Variants in EIF2B3 observed in about 807,000 individuals in gnomAD.
EIF2B3 encodes the protein translation initiation factor eIF2B subunit gamma.
A neutral mutation model predicts 54.1 loss-of-function variants in EIF2B3; 20 were observed. The ratio of observed to expected loss-of-function variants is 0.37; its 90% CI spans 0.26 to 0.54. EIF2B3 has a LOEUF of 0.54. Ranked by LOEUF, EIF2B3 falls within the 20% of genes least tolerant of loss-of-function variation. EIF2B3 has a pLI of 0.86. For synonymous variants in EIF2B3, 153 were observed against 188.1 expected, an observed-to-expected ratio of 0.81 and a Z score of 1.52; for missense variants, 448 against 547.8, an observed-to-expected ratio of 0.82 and a Z score of 1.82.
At chr1:44,955,840 T>C (rs1438330929) in intron 3 of EIF2B3, among the ~76,000 whole-genome samples, 2 of 152,138 alleles carry the variant, frequency 1.3e-5, no homozygotes, top group Non-Finnish European at 2.9e-5. Context: ...AGAATGGCGA[T>C]CATTAAAAAG....
chr1:44,953,244 A>G (rs1310163933), intron 3 of EIF2B3, among the ~76,000 whole-genome samples: 1 of 151,362 alleles, frequency 6.6e-6, no homozygotes, highest in Admixed American at 6.6e-5. Context: ...ATAGGTATGA[A>G]ATTTTTCATT....
chr1:44,955,953 G>C (rs918087860), intron 3 of EIF2B3, among the ~76,000 whole-genome samples: 1 of 152,170 alleles, frequency 6.6e-6, no homozygotes, highest in South Asian at 2.1e-4. Context: ...AGACAGTGTG[G>C]TGATTCCTCA....
intron 10 of EIF2B3, among the ~76,000 whole-genome samples, chr1:44,858,628 C>A (rs767031985): frequency 4.6e-5 from 7 of 152,014 alleles, no homozygotes; most frequent in Non-Finnish European, 1.0e-4. Flanking sequence ...CTACACCTGG[C>A]TAATTTTTGT....
At chr1:44,948,268 T>G (rs1644124344) in intron 3 of EIF2B3, among the ~76,000 whole-genome samples, 1 of 152,172 alleles carries the variant, frequency 6.6e-6, no homozygotes, top group African/African-American at 2.4e-5. Flanking sequence ...ATGCTGTTGC[T>G]ACCATCCAGA....
Position 44,984,797 on chromosome 1 carries a change from C to CTTTTTTTTTTTTTTTTTTTTTTTTT in EIF2B3, c.-10+1695_-10+1696insAAAAAAAAAAAAAAAAAAAAAAAAA, listed in dbSNP as rs71040529. On this transcript the variant is annotated intron_variant, in intron 1 of 11. Coordinates refer to ENST00000360403, the MANE Select transcript of EIF2B3 (RefSeq NM_020365.5). Reference sequence around the variant, plus strand: ...GTAAAGCAGACAAAATAATGTCCATCTTTTTTTTTTTTTTTTTTTTGAGAC... The same window carrying CTTTTTTTTTTTTTTTTTTTTTTTTT: ...GTAAAGCAGACAAAATAATGTCCATCTTTTTTTTTTTTTTTTTTTTTTTTTTTTTTTTTTTTTTTTTTTTTGAGAC... Among the ~76,000 whole-genome samples the CTTTTTTTTTTTTTTTTTTTTTTTTT allele has an allele frequency of 4.0e-4, 35 of 88,530 alleles. 3 individuals are homozygous for CTTTTTTTTTTTTTTTTTTTTTTTTT. Among genetic ancestry groups the CTTTTTTTTTTTTTTTTTTTTTTTTT allele is most frequent in the East Asian group, 1.6e-3 (2 of 1,256 alleles). 58.1% of individuals were successfully genotyped at this position (88,530 alleles called of 152,430 possible). A position where few individuals can be genotyped will look rare whatever the true frequency, so the allele number is the denominator to read the frequency against.
intron 5 of EIF2B3, among the ~76,000 whole-genome samples, chr1:44,914,440 C>T (rs974947182): frequency 1.3e-4 from 19 of 151,850 alleles, no homozygotes; most frequent in African/African-American, 4.1e-4. Context: ...GGATTATAGG[C>T]GTGAGCCACT....
intron 7 of EIF2B3, among the ~76,000 whole-genome samples, chr1:44,880,419 A>C (rs1655352694): frequency 6.6e-6 from 1 of 152,242 alleles, no homozygotes; most frequent in Non-Finnish European, 1.5e-5. Context: ...CCACTAGGGA[A>C]AATAAAACAG....
At chr1:44,910,855 A>T (rs1471856890) in intron 5 of EIF2B3, among the ~76,000 whole-genome samples, 3 of 151,040 alleles carry the variant, frequency 2.0e-5, no homozygotes, top group African/African-American at 7.3e-5. Flanking sequence ...TCTTTTTTAA[A>T]TTTTTTTTCC....
At chr1:44,982,026 A>T (rs1644519898) in intron 1 of EIF2B3, among the ~76,000 whole-genome samples, 1 of 152,014 alleles carries the variant, frequency 6.6e-6, no homozygotes, top group African/African-American at 2.4e-5. Context: ...CAAGCATGTT[A>T]GGCTTCTGAA....
At chr1:44,884,365 C>G (rs2148907412) in intron 6 of EIF2B3, among the ~76,000 whole-genome samples, 1 of 152,262 alleles carries the variant, frequency 6.6e-6, no homozygotes, top group African/African-American at 2.4e-5. Flanking sequence ...TCCCAGCCCC[C>G]ATTCAAAGCT....
rs572002843 is a variant in EIF2B3 at position 44,913,364 on chromosome 1, T to C, written c.566+13264A>G. Among the ~76,000 whole-genome samples the C allele has an allele frequency of 2.2e-4, 34 of 152,252 alleles. 1 individual carries two copies. In the South Asian group the frequency reaches 6.0e-3, roughly 27 times the overall value. ...GCAGAATTCCAGAGCTAGTCAGCTATATCCTGACCACTGTAAGAAACAAGC... is the reference window on the plus strand; with the variant it reads ...GCAGAATTCCAGAGCTAGTCAGCTACATCCTGACCACTGTAAGAAACAAGC... On this transcript the variant is annotated intron_variant, in intron 5 of 11. Coordinates refer to ENST00000360403, the MANE Select transcript of EIF2B3 (RefSeq NM_020365.5).
intron 3 of EIF2B3, among the ~76,000 whole-genome samples, chr1:44,977,779 C>G (rs951263559): frequency 6.6e-6 from 1 of 151,784 alleles, no homozygotes; most frequent in Admixed American, 6.6e-5. Flanking sequence ...TCTTTTTTTT[C>G]TTTTTTAATA....
chr1:44,904,520 CT>C (rs536818855), intron 5 of EIF2B3, among the ~76,000 whole-genome samples: 27 of 147,926 alleles, frequency 1.8e-4, no homozygotes, highest in Middle Eastern at 3.5e-3. Context: ...ATTTGGCAAT[CT>C]TTTTTTTTTT....
intron 4 of EIF2B3, 93 bp downstream of exon 4, chr1:44,941,413 T>C (rs1644020088): frequency 7.1e-7 from 1 of 1,406,776 alleles, no homozygotes; most frequent in African/African-American, 1.4e-5. Flanking sequence ...TGATGTATAG[T>C]AGATTCTTAA....
At chr1:44,986,275 G>A (rs1644576567) in intron 1 of EIF2B3, among the ~76,000 whole-genome samples, 1 of 152,040 alleles carries the variant, frequency 6.6e-6, no homozygotes, top group South Asian at 2.1e-4. Context: ...GAGTAGCTGA[G>A]ATTAGAAACT....
At chr1:44,981,942 CAAAAAAAAA>C (rs35864275) in intron 1 of EIF2B3, among the ~76,000 whole-genome samples, 915 of 78,988 alleles carry the variant, frequency 0.012, 11 homozygotes, top group African/African-American at 0.038. Flanking sequence ...GATCCTGTCT[CAAAAAAAAA>C]AAAAAAAAAA....
intron 10 of EIF2B3, among the ~76,000 whole-genome samples, chr1:44,868,571 G>C (rs1654860939): frequency 6.7e-6 from 1 of 149,698 alleles, no homozygotes; most frequent in Non-Finnish European, 1.5e-5. Context: ...CAGGCAATCT[G>C]CCCACCTCAG....
At chr1:44,882,934 T>C (rs866652474) in intron 6 of EIF2B3, among the ~76,000 whole-genome samples, 24 of 143,378 alleles carry the variant, frequency 1.7e-4, no homozygotes, top group Middle Eastern at 3.5e-3. Context: ...TTTTCTTTTT[T>C]TTTTTTTTTT....
chr1:44,917,267 G>T (rs1045998932), intron 5 of EIF2B3, among the ~76,000 whole-genome samples: 1 of 152,042 alleles, frequency 6.6e-6, no homozygotes, highest in Admixed American at 6.6e-5. Context: ...GCTAAGGCGG[G>T]CCAATCACCT....
Sources: gnomAD v4.1 joint callset for allele counts (sites outside exome capture counted in the v4.1 genomes callset) on GRCh38, gnomAD v4.1.1 for gene constraint, MANE v1.5 for transcripts, NCBI Gene and HGNC (gene_info 2026-07-23, HGNC 2026-07-21) for gene names.